NNMT: variants seen among roughly 807,000 people sequenced by gnomAD.
The protein encoded by NNMT is nicotinamide N-methyltransferase.
Under a neutral mutation model 11.7 loss-of-function variants are expected in NNMT, and 10 were observed. The observed-to-expected ratio is 0.85, with a 90% CI of 0.53 to 1.45. NNMT has a LOEUF of 1.45. Ranked by LOEUF, NNMT falls within the 40% of genes most tolerant of loss-of-function variation. NNMT has a pLI of 0.00. For missense variants in NNMT, 381 were observed against 319.4 expected (o/e 1.19, Z -1.47); for synonymous variants, 143 against 133.8 (o/e 1.07, Z -0.48).
intron 2 of NNMT, among the ~76,000 whole-genome samples, chr11:114,284,953 A>G (rs952525548): frequency 4.6e-5 from 7 of 151,716 alleles, no homozygotes; most frequent in Non-Finnish European, 8.8e-5. Context: ...TATTTTCAGT[A>G]GAGACAGTTT....
chr11:114,259,304 G>A (rs10891638), intron 1 of NNMT, among the ~76,000 whole-genome samples: 27,853 of 151,010 alleles, frequency 0.18, 3,034 homozygotes, highest in African/African-American at 0.3. Context: ...ATGCCCGCTC[G>A]GGCACCTCCC....
At chr11:114,276,821 GT>G (rs1945216837) in intron 2 of NNMT, among the ~76,000 whole-genome samples, 1 of 152,188 alleles carries the variant, frequency 6.6e-6, no homozygotes, top group South Asian at 2.1e-4. Context: ...AAGAACAGAG[GT>G]TTCCGCATCA....
At chr11:114,266,181 A>G (rs762825539) in intron 2 of NNMT, among the ~76,000 whole-genome samples, 3 of 152,142 alleles carry the variant, frequency 2.0e-5, no homozygotes, top group Non-Finnish European at 2.9e-5. Context: ...CTTGCTACAA[A>G]CGCTGAGGAG....
chr11:114,274,731 A>G (rs769961357), intron 2 of NNMT, among the ~76,000 whole-genome samples: 13 of 152,258 alleles, frequency 8.5e-5, no homozygotes, highest in Non-Finnish European at 1.6e-4. Context: ...AAACTGTCCC[A>G]GATGCCAAGA....
intron 2 of NNMT, among the ~76,000 whole-genome samples, chr11:114,305,290 C>A (rs1305413246): frequency 2.0e-5 from 3 of 151,506 alleles, no homozygotes; most frequent in Non-Finnish European, 4.4e-5. Context: ...CTCTTGACAG[C>A]AGGTGGGGCA....
chr11:114,283,713 T>G (rs1945277929), intron 2 of NNMT, among the ~76,000 whole-genome samples: 1 of 152,252 alleles, frequency 6.6e-6, no homozygotes, highest in Non-Finnish European at 1.5e-5. Context: ...GCTTATATTC[T>G]GCCTTTGTTG....
chr11:114,270,752 A>G (rs895886738), intron 2 of NNMT, among the ~76,000 whole-genome samples: 1 of 150,516 alleles, frequency 6.6e-6, no homozygotes, highest in Admixed American at 6.6e-5. Flanking sequence ...GCCCTATTCT[A>G]TGACTTCATA....
At chr11:114,282,891 C>T (rs1945272237) in intron 2 of NNMT, among the ~76,000 whole-genome samples, 1 of 152,240 alleles carries the variant, frequency 6.6e-6, no homozygotes, top group African/African-American at 2.4e-5. Flanking sequence ...TGTTACATCA[C>T]TTAGCTTATC....
intron 2 of NNMT, among the ~76,000 whole-genome samples, chr11:114,304,426 G>A (rs1356268561): frequency 6.6e-6 from 1 of 152,136 alleles, no homozygotes; most frequent in Non-Finnish European, 1.5e-5. Flanking sequence ...CACTCTGTTG[G>A]ACATTGCATT....
chr11:114,290,787 C>T (rs1009362989), intron 2 of NNMT, among the ~76,000 whole-genome samples: 1 of 152,192 alleles, frequency 6.6e-6, no homozygotes. Context: ...TTGCCCGCTA[C>T]TTTCTCTATT....
chr11:114,274,794 A>G (rs1945202512), intron 2 of NNMT, among the ~76,000 whole-genome samples: 1 of 152,178 alleles, frequency 6.6e-6, no homozygotes, highest in Non-Finnish European at 1.5e-5. Flanking sequence ...CTGGCTTTTG[A>G]TGGCAGGCAA....
At chr11:114,274,314 G>T (rs1260015868) in intron 2 of NNMT, among the ~76,000 whole-genome samples, 1 of 152,242 alleles carries the variant, frequency 6.6e-6, no homozygotes, top group African/African-American at 2.4e-5. Context: ...TGACTAATTG[G>T]CATTGGCCCT....
chr11:114,271,070 C>A (rs1424709308), intron 2 of NNMT, among the ~76,000 whole-genome samples: 2 of 152,120 alleles, frequency 1.3e-5, no homozygotes, highest in African/African-American at 2.4e-5. Context: ...AACCACCATG[C>A]TCGGCTCCGA....
At chr11:114,284,608 C>T (rs1331860792) in intron 2 of NNMT, among the ~76,000 whole-genome samples, 4 of 149,362 alleles carry the variant, frequency 2.7e-5, no homozygotes, top group Admixed American at 1.3e-4. Context: ...GGACTACAGG[C>T]ATGTGCCACC....
chr11:114,299,661 G>T (rs1041728425), intron 2 of NNMT, among the ~76,000 whole-genome samples: 2 of 152,174 alleles, frequency 1.3e-5, no homozygotes, highest in African/African-American at 4.8e-5. Flanking sequence ...ATTTTTGTGC[G>T]AGAGAAGACT....
At chr11:114,262,069 G>T (rs1378415651) in intron 1 of NNMT, among the ~76,000 whole-genome samples, 8 of 152,162 alleles carry the variant, frequency 5.3e-5, no homozygotes, top group Non-Finnish European at 1.0e-4. Flanking sequence ...AGGCTACAGG[G>T]CAATGGGACA....
intron 2 of NNMT, among the ~76,000 whole-genome samples, chr11:114,298,696 G>T (rs1945408497): frequency 6.6e-6 from 1 of 152,188 alleles, no homozygotes; most frequent in Admixed American, 6.5e-5. Context: ...TACTTGAAAA[G>T]AATTTATTAA....
chr11:114,308,465 A>G (rs1945512756), intron 2 of NNMT, among the ~76,000 whole-genome samples: 2 of 152,174 alleles, frequency 1.3e-5, no homozygotes, highest in Non-Finnish European at 2.9e-5. Context: ...GTGGGAAGAC[A>G]TTCTCAGAAA....
rs534595669 is a variant in NNMT, at chr11:114,262,570, C to T, written c.-216-278C>T. ...ACCAGTTCACCAGCCAACCCCTGCACTTGGCCTACAGATGATTTGACTGGA... is the reference window on the plus strand; with the variant it reads ...ACCAGTTCACCAGCCAACCCCTGCATTTGGCCTACAGATGATTTGACTGGA... On this transcript the variant is annotated intron_variant, in intron 1 of 4. Coordinates refer to the NNMT transcript ENST00000535401. 2.6e-5 allele frequency among the ~76,000 whole-genome samples: 4 copies of T among 152,316 alleles called. No homozygotes were observed. In the East Asian group the frequency reaches 7.7e-4, roughly 29 times the overall value.
Sources: gnomAD v4.1 joint callset for allele counts (sites outside exome capture counted in the v4.1 genomes callset) on GRCh38, gnomAD v4.1.1 for gene constraint, MANE v1.5 for transcripts, NCBI Gene and HGNC (gene_info 2026-07-23, HGNC 2026-07-21) for gene names.